The following DPP6 variants were observed in gnomAD, a reference collection of about 807,000 sequenced individuals.
DPP6 encodes the protein dipeptidyl peptidase like 6.
DPP6 carries 69 observed loss-of-function variants against 122.6 expected under a neutral mutation model. The ratio of observed to expected loss-of-function variants is 0.56; its 90% CI spans 0.46 to 0.69. The LOEUF is 0.69. DPP6 is among the 30% of genes least tolerant of loss of function. The pLI, the probability that DPP6 is intolerant of heterozygous loss-of-function variation, is 0.00. For synonymous variants in DPP6, 418 were observed against 433.1 expected (o/e 0.97, Z 0.43); for missense variants, 928 against 1,116.9 (o/e 0.83, Z 2.41).
At chr7:154,819,617 T>C (rs897158260) in intron 16 of DPP6, among the ~76,000 whole-genome samples, 1 of 152,176 alleles carries the variant, frequency 6.6e-6, no homozygotes, top group African/African-American at 2.4e-5. Flanking sequence ...TCCTAAAGAA[T>C]ATCTCTCTTC....
chr7:154,090,133 G>A (rs1354245450), intron 1 of DPP6, among the ~76,000 whole-genome samples: 3 of 152,208 alleles, frequency 2.0e-5, no homozygotes, highest in South Asian at 2.1e-4. Context: ...TGGCAAAAGC[G>A]GGTGCTGTGT....
rs1175468480 is a variant in DPP6, at chr7:154,008,816, T to C, written c.51+121082T>C. 6.5e-3 allele frequency among the ~76,000 whole-genome samples: 980 copies of C among 151,318 alleles called. 6 individuals are homozygous for C. Among genetic ancestry groups the C allele is most frequent in the African/African-American group, 0.02 (829 of 40,986 alleles). ...AGCTGGGACTACAGGCGCCCGCCAC[T>C]ACGCCCGGCTAATTTTTTTTTTGTA... is the stretch of plus-strand genomic sequence containing the variant. On this transcript the variant is annotated intron_variant, in intron 1 of 25. Transcript: ENST00000404039.
chr7:154,175,145 T>A (rs964526798), intron 1 of DPP6, among the ~76,000 whole-genome samples: 1 of 152,124 alleles, frequency 6.6e-6, no homozygotes, highest in Admixed American at 6.6e-5. Flanking sequence ...TACTTAATAC[T>A]GCCCATCACA....
chr7:153,802,193 G>A, the DPP6 span, among the ~76,000 whole-genome samples: 2 of 152,114 alleles, frequency 1.3e-5, no homozygotes, highest in African/African-American at 2.4e-5. Context: ...ATTTGTGCAC[G>A]TTGCCTAAGC....
intron 1 of DPP6, among the ~76,000 whole-genome samples, chr7:154,298,886 C>T (rs1021982259): frequency 3.9e-5 from 6 of 152,226 alleles, no homozygotes; most frequent in African/African-American, 7.2e-5. Context: ...TTCAGCCTTG[C>T]TTGTTGGGCC....
At chr7:154,844,977 A>G (rs1433858925) in intron 16 of DPP6, among the ~76,000 whole-genome samples, 1 of 152,218 alleles carries the variant, frequency 6.6e-6, no homozygotes, top group African/African-American at 2.4e-5. Context: ...CTTAGTGAAA[A>G]GGGCAGGGGA....
chr7:154,479,782 T>C (rs1217551874), intron 3 of DPP6, among the ~76,000 whole-genome samples: 1 of 152,022 alleles, frequency 6.6e-6, no homozygotes, highest in African/African-American at 2.4e-5. Context: ...TGATGAGATA[T>C]TTTGGTTACT....
intron 1 of DPP6, among the ~76,000 whole-genome samples, chr7:154,217,706 G>T (rs1800083024): frequency 6.6e-6 from 1 of 152,194 alleles, no homozygotes; most frequent in African/African-American, 2.4e-5. Context: ...CCTTCCACGA[G>T]GCTGTGGTCC....
At chr7:154,518,929 T>G (rs1826752722) in intron 3 of DPP6, among the ~76,000 whole-genome samples, 1 of 152,162 alleles carries the variant, frequency 6.6e-6, no homozygotes, top group African/African-American at 2.4e-5. Flanking sequence ...GCATGGGAAT[T>G]TCCTAGGACT....
chr7:153,948,298 C>A (rs571896582), intron 1 of DPP6, among the ~76,000 whole-genome samples: 1 of 152,300 alleles, frequency 6.6e-6, no homozygotes, highest in Non-Finnish European at 1.5e-5. Flanking sequence ...GAGCCGAGTG[C>A]TTTCCTGTTG....
intron 1 of DPP6, among the ~76,000 whole-genome samples, chr7:154,331,345 A>G (rs1229551240): frequency 6.6e-6 from 1 of 152,228 alleles, no homozygotes; most frequent in Non-Finnish European, 1.5e-5. Flanking sequence ...ACCTGCTGGC[A>G]TGGTACAAAA....
Position 154,167,981 on chromosome 7 carries a change from C to T in DPP6, c.243+114918C>T, listed in dbSNP as rs73729292. On this transcript the variant is annotated intron_variant, in intron 1 of 25. Transcript: ENST00000377770. ...TTACTCCTGATGCTGCTTTCTGGGA[C>T]GCCATCCAATCTCATTTGGAGGTTT... Among the ~76,000 whole-genome samples, 1,472 of 152,252 alleles carry T rather than the reference C, an allele frequency of 9.7e-3. 30 individuals carry two copies. The highest frequency in any genetic ancestry group is 0.033 in the African/African-American group (1,391 of 41,534).
intron 1 of DPP6, among the ~76,000 whole-genome samples, chr7:153,937,089 A>G (rs1801481543): frequency 6.6e-6 from 1 of 152,140 alleles, no homozygotes; most frequent in Non-Finnish European, 1.5e-5. Context: ...GGAGGCTCAG[A>G]TCCCAGGAAA....
At position 154,244,951 on chromosome 7, in the gene DPP6, CT is replaced by C. The variant is rs745446498; in HGVS notation, c.243+191905del. On this transcript the variant is annotated intron_variant, in intron 1 of 25. Transcript: ENST00000377770. The stretch of plus-strand genomic sequence containing the variant: ...AGACATAACTGTATATCTAAAGGGA[CT>C]TTTTTTTTTTTTTTTTGAGTTAGGG... Among the ~76,000 whole-genome samples, 614 of 133,114 alleles carry C rather than the reference CT, an allele frequency of 4.6e-3. 2 individuals are homozygous for C. The highest frequency in any genetic ancestry group is 0.017 in the South Asian group (69 of 4,140). 87.3% of individuals were successfully genotyped at this position (133,114 alleles called of 152,430 possible). A position where few individuals can be genotyped will look rare whatever the true frequency, so the allele number is the denominator to read the frequency against.
intron 1 of DPP6, among the ~76,000 whole-genome samples, chr7:154,054,538 A>AT (rs1310790790): frequency 3.3e-5 from 5 of 152,096 alleles, no homozygotes; most frequent in Non-Finnish European, 7.3e-5. Context: ...AGGTTTTGTG[A>AT]TTTTCTCCTG....
Position 154,311,025 on chromosome 7 carries a change from A to G in DPP6, c.244-135189A>G, listed in dbSNP as rs147768905. 2.6e-5 allele frequency among the ~76,000 whole-genome samples: 4 copies of G among 152,280 alleles called. No individual in the cohort carries two copies. In the East Asian group the frequency reaches 7.7e-4, roughly 29 times the overall value. On this transcript the variant is annotated intron_variant, in intron 1 of 25. Coordinates refer to ENST00000377770, the MANE Select transcript of DPP6 (RefSeq NM_130797.4). ...GAGTATATAATTCGGGGAGAAAGTG[A>G]TTCTCTATAAGCTCTGAGAGGTCAA...
chr7:154,468,392 A>G (rs935532642), intron 2 of DPP6, among the ~76,000 whole-genome samples: 8 of 152,190 alleles, frequency 5.3e-5, no homozygotes, highest in Non-Finnish European at 1.2e-4. Context: ...TAGGTCAGTA[A>G]TGGTGCACAA....
chr7:154,252,039 T>C (rs1266530964), intron 1 of DPP6, among the ~76,000 whole-genome samples: 1 of 152,244 alleles, frequency 6.6e-6, no homozygotes, highest in Non-Finnish European at 1.5e-5. Flanking sequence ...ATAACATATG[T>C]AGAAGCCAAG....
exon 1 of DPP6, chr7:153,887,565 C>T (rs2128991608): frequency 2.6e-6 from 3 of 1,169,680 alleles, no homozygotes; most frequent in Admixed American, 2.2e-5. Context: ...ATTTTTTTTT[C>T]CTTCAAAAAC....
Sources: gnomAD v4.1 joint callset for allele counts (sites outside exome capture counted in the v4.1 genomes callset) on GRCh38, gnomAD v4.1.1 for gene constraint, MANE v1.5 for transcripts, NCBI Gene and HGNC (gene_info 2026-07-23, HGNC 2026-07-21) for gene names.